The following AUTS2 variants were observed in gnomAD, a reference collection of about 807,000 sequenced individuals.
AUTS2 encodes the protein autism susceptibility gene 2 protein.
AUTS2 carries 17 observed loss-of-function variants against 112.4 expected under a neutral mutation model. The ratio of observed to expected loss-of-function variants is 0.15; its 90% confidence interval spans 0.10 to 0.23. The LOEUF (loss-of-function observed/expected upper bound fraction) is 0.23, where lower values mean the gene tolerates loss of function less well. AUTS2 is among the 10% of genes least tolerant of loss of function. The pLI is 1.00. For missense variants in AUTS2, 1,510 were observed against 1,701.6 expected, an observed-to-expected ratio of 0.89 and a Z score of 1.98; for synonymous variants, 751 against 702.7, an observed-to-expected ratio of 1.07 and a Z score of -1.09.
chr7:70,194,484 C>T (rs1353456341), intron 4 of AUTS2, among the ~76,000 whole-genome samples: 1 of 152,064 alleles, frequency 6.6e-6, no homozygotes, highest in Non-Finnish European at 1.5e-5. Flanking sequence ...TTCTACAATC[C>T]AGTTTAGATA....
chr7:69,769,710 G>T (rs1348379916), intron 1 of AUTS2, among the ~76,000 whole-genome samples: 2 of 152,098 alleles, frequency 1.3e-5, no homozygotes, highest in African/African-American at 2.4e-5. Context: ...GTCTTTTGAT[G>T]TTCCTGTTTC....
At chr7:69,973,610 A>G (rs1797942699) in intron 2 of AUTS2, among the ~76,000 whole-genome samples, 1 of 152,092 alleles carries the variant, frequency 6.6e-6, no homozygotes, top group Admixed American at 6.5e-5. Flanking sequence ...GTTCCTTTCT[A>G]TTCCTAGTTT....
chr7:69,649,529 T>C (rs886131332), intron 1 of AUTS2, among the ~76,000 whole-genome samples: 3 of 152,062 alleles, frequency 2.0e-5, no homozygotes, highest in African/African-American at 7.2e-5. Context: ...TTTTTTGGCC[T>C]TTGGCGCTGT....
At chr7:70,649,040 C>T (rs1032674060) in intron 5 of AUTS2, among the ~76,000 whole-genome samples, 3 of 152,128 alleles carry the variant, frequency 2.0e-5, no homozygotes, top group East Asian at 3.9e-4. Flanking sequence ...TCCTATTGAC[C>T]TAAGTCTCTG....
chr7:69,911,663 G>A (rs1378450269), intron 2 of AUTS2, among the ~76,000 whole-genome samples: 2 of 152,126 alleles, frequency 1.3e-5, no homozygotes, highest in African/African-American at 4.8e-5. Context: ...GTGGAGAGGC[G>A]AGCCGCAGTG....
At chr7:69,604,724 G>A (rs1180872222) in intron 1 of AUTS2, among the ~76,000 whole-genome samples, 2 of 152,270 alleles carry the variant, frequency 1.3e-5, no homozygotes, top group African/African-American at 4.8e-5. Context: ...AAGGTGGTAA[G>A]TAAAGAGTGC....
intron 5 of AUTS2, among the ~76,000 whole-genome samples, chr7:70,637,825 A>G (rs1270912349): frequency 6.6e-6 from 1 of 152,190 alleles, no homozygotes. Context: ...TGTTGTATCT[A>G]CTGATTACTA....
intron 4 of AUTS2, among the ~76,000 whole-genome samples, chr7:70,288,261 G>T (rs549294282): frequency 6.6e-6 from 1 of 152,124 alleles, no homozygotes; most frequent in Non-Finnish European, 1.5e-5. Flanking sequence ...AATTAGCCAG[G>T]CATGGTGGCG....
At chr7:70,374,253 TTATTC>T (rs1792980226) in intron 4 of AUTS2, among the ~76,000 whole-genome samples, 1 of 152,236 alleles carries the variant, frequency 6.6e-6, no homozygotes, top group South Asian at 2.1e-4. Flanking sequence ...AATTAACAGT[TTATTC>T]TATTTAAAAA....
chr7:70,476,228 T>A (rs1797576344), intron 5 of AUTS2, among the ~76,000 whole-genome samples: 1 of 152,008 alleles, frequency 6.6e-6, no homozygotes, highest in African/African-American at 2.4e-5. Context: ...TCTCTTGTCT[T>A]TAGAGTGAGG....
At chr7:69,621,854 C>G (rs910130988) in intron 1 of AUTS2, among the ~76,000 whole-genome samples, 1 of 151,772 alleles carries the variant, frequency 6.6e-6, no homozygotes. Context: ...AAGAGCCATT[C>G]GCAGACTTTA....
chr7:69,849,415 C>T (rs756693256), intron 1 of AUTS2, among the ~76,000 whole-genome samples: 23 of 152,256 alleles, frequency 1.5e-4, no homozygotes, highest in Non-Finnish European at 3.1e-4. Context: ...CGTTCTTTGA[C>T]ATGTGTACAT....
chr7:69,651,154 G>T (rs188797109), intron 1 of AUTS2, among the ~76,000 whole-genome samples: 7 of 152,322 alleles, frequency 4.6e-5, no homozygotes, highest in Admixed American at 3.9e-4. Context: ...GACTGCCTGG[G>T]CGTGACTGGT....
At chr7:69,868,890 CT>C (rs1584364654) in intron 1 of AUTS2, among the ~76,000 whole-genome samples, 1 of 152,216 alleles carries the variant, frequency 6.6e-6, no homozygotes, top group East Asian at 1.9e-4. Flanking sequence ...GTGTTCCCCT[CT>C]GCTAGCTTGG....
chr7:69,860,763 C>T lies in AUTS2; in HGVS notation c.310-38523C>T, dbSNP rs575509908. Among the ~76,000 whole-genome samples the T allele has an allele frequency of 2.0e-5, 3 of 152,286 alleles. No homozygotes were observed. In the South Asian group the frequency reaches 6.2e-4, roughly 32 times the overall value. ...GCCATTGACTCACCAAGTAGGATGC[C>T]AGGTCCCACAGGGTGTGTCCTTCAC... On this transcript the variant is annotated intron_variant, in intron 1 of 18. Transcript: ENST00000342771.
chr7:70,033,262 A>G (rs1009635948), intron 2 of AUTS2, among the ~76,000 whole-genome samples: 1 of 152,222 alleles, frequency 6.6e-6, no homozygotes, highest in Non-Finnish European at 1.5e-5. Context: ...TGAAATGACC[A>G]AAAGGGGAAA....
intron 2 of AUTS2, among the ~76,000 whole-genome samples, chr7:70,016,270 C>T (rs1336475041): frequency 6.6e-6 from 1 of 152,164 alleles, no homozygotes; most frequent in Non-Finnish European, 1.5e-5. Flanking sequence ...GTCAGTTTGA[C>T]AGACCGCAAT....
intron 6 of AUTS2, 123 bp from the exon 7 acceptor site, chr7:70,762,747 C>T (rs1789647167): frequency 1.3e-6 from 1 of 762,060 alleles, no homozygotes; most frequent in African/African-American, 1.7e-5. Context: ...GGACCCAAGC[C>T]AGGAGGGTTG....
intron 1 of AUTS2, among the ~76,000 whole-genome samples, chr7:69,716,244 C>G (rs541184088): frequency 1.2e-4 from 18 of 149,568 alleles, no homozygotes; most frequent in Admixed American, 2.7e-4. Context: ...GTGTGTGTGT[C>G]TGTGTGTGTG....
Sources: allele counts gnomAD v4.1 joint callset (sites outside exome capture counted in the v4.1 genomes callset), GRCh38; gene constraint gnomAD v4.1.1; transcripts MANE v1.5; gene names NCBI Gene and HGNC (gene_info 2026-07-23, HGNC 2026-07-21).